Variants in DIAPH3 observed in about 807,000 individuals in gnomAD.
DIAPH3 encodes the protein diaphanous related formin 3, also known as protein diaphanous homolog 3.
DIAPH3 carries 117 observed loss-of-function variants against 144.3 expected under a neutral mutation model. The ratio of observed to expected loss-of-function variants is 0.81; its 90% CI spans 0.70 to 0.95. The LOEUF (loss-of-function observed/expected upper bound fraction) is 0.95. Ranked by LOEUF, DIAPH3 falls within the 40% of genes least tolerant of loss-of-function variation. DIAPH3 has a pLI of 0.00. For synonymous variants in DIAPH3, 519 were observed against 488.9 expected, an observed-to-expected ratio of 1.06 and a Z score of -0.81; for missense variants, 1,421 against 1,412.7, an observed-to-expected ratio of 1.01 and a Z score of -0.09.
At chr13:60,071,781 T>C (rs1191057112) in intron 4 of DIAPH3, among the ~76,000 whole-genome samples, 3 of 152,190 alleles carry the variant, frequency 2.0e-5, no homozygotes, top group Admixed American at 2.0e-4. Context: ...CAGAGAAATA[T>C]GTGTGATTCC....
intron 4 of DIAPH3, among the ~76,000 whole-genome samples, chr13:60,065,573 A>G (rs2056930346): frequency 2.0e-5 from 3 of 152,162 alleles, no homozygotes; most frequent in African/African-American, 7.2e-5. Context: ...AGATGAAACA[A>G]TTCCACTAAT....
chr13:60,003,131 G>C (rs148646558), intron 9 of DIAPH3, among the ~76,000 whole-genome samples: 161 of 152,202 alleles, frequency 1.1e-3, no homozygotes, highest in African/African-American at 3.7e-3. Flanking sequence ...GTCTGTCCCT[G>C]GTGTCACAAG....
intron 1 of DIAPH3, among the ~76,000 whole-genome samples, chr13:60,158,197 A>AT (rs1406603319): frequency 1.8e-4 from 28 of 152,274 alleles, no homozygotes; most frequent in Non-Finnish European, 3.2e-4. Context: ...GCTTTTTATA[A>AT]TTTTGTCATG....
intron 25 of DIAPH3, among the ~76,000 whole-genome samples, chr13:59,783,325 T>C (rs1266840532): frequency 2.0e-5 from 3 of 152,174 alleles, no homozygotes; most frequent in African/African-American, 7.2e-5. Flanking sequence ...GTATATATAT[T>C]GATATCATTT....
At chr13:60,143,606 TCTC>T (rs1321777233) in intron 1 of DIAPH3, among the ~76,000 whole-genome samples, 15 of 152,122 alleles carry the variant, frequency 9.9e-5, no homozygotes, top group Non-Finnish European at 1.0e-4. Flanking sequence ...CCAATAGTCT[TCTC>T]CTCCTCTAGG....
chr13:59,748,554 G>A (rs1189775141), intron 27 of DIAPH3, among the ~76,000 whole-genome samples: 1 of 152,154 alleles, frequency 6.6e-6, no homozygotes, highest in African/African-American at 2.4e-5. Context: ...AAAATAATTA[G>A]TCATTAAATT....
intron 2 of DIAPH3, among the ~76,000 whole-genome samples, chr13:60,131,526 A>G: frequency 6.6e-6 from 1 of 151,954 alleles, no homozygotes. Context: ...AAGCGAAATA[A>G]GTGAATCACG....
At chr13:60,148,010 A>C (rs974537238) in intron 1 of DIAPH3, among the ~76,000 whole-genome samples, 3 of 152,194 alleles carry the variant, frequency 2.0e-5, no homozygotes, top group Non-Finnish European at 4.4e-5. Context: ...CAGGGACAGT[A>C]GGAGAAGAGA....
At chr13:59,803,796 T>C (rs1306035927) in intron 25 of DIAPH3, among the ~76,000 whole-genome samples, 5 of 152,202 alleles carry the variant, frequency 3.3e-5, no homozygotes, top group African/African-American at 1.2e-4. Context: ...AAGAGATGCC[T>C]GCACATAAGT....
At chr13:60,105,108 A>AAAACAAAAC (rs772244378) in intron 3 of DIAPH3, among the ~76,000 whole-genome samples, 4 of 124,040 alleles carry the variant, frequency 3.2e-5, no homozygotes, top group African/African-American at 6.4e-5. Context: ...TCAAAAAAAA[A>AAAACAAAAC]AAAAAAAAAA....
chr13:59,898,052 T>C (rs1208260581), intron 20 of DIAPH3, among the ~76,000 whole-genome samples: 2 of 145,104 alleles, frequency 1.4e-5, no homozygotes, highest in Non-Finnish European at 3.0e-5. Context: ...GAGAATCATT[T>C]GAACCTGGGG....
At chr13:59,845,511 T>C (rs2042582711) in intron 22 of DIAPH3, among the ~76,000 whole-genome samples, 2 of 152,156 alleles carry the variant, frequency 1.3e-5, no homozygotes, top group Non-Finnish European at 2.9e-5. Flanking sequence ...ACATAACATC[T>C]GAGTTCCTAA....
chr13:59,767,503 C>T (rs1402834633), intron 27 of DIAPH3, among the ~76,000 whole-genome samples: 2 of 150,420 alleles, frequency 1.3e-5, no homozygotes, highest in Non-Finnish European at 3.0e-5. Context: ...TTTTTTAAGT[C>T]CAAACACAAA....
At chr13:59,813,858 CA>C (rs34778897) in intron 24 of DIAPH3, among the ~76,000 whole-genome samples, 6,027 of 91,172 alleles carry the variant, frequency 0.066, 157 homozygotes, top group African/African-American at 0.079. Context: ...GACTTTGTCT[CA>C]AAAAAAAAAA....
chr13:59,938,871 G>A (rs979648718), intron 17 of DIAPH3, among the ~76,000 whole-genome samples: 9 of 152,110 alleles, frequency 5.9e-5, no homozygotes, highest in African/African-American at 1.2e-4. Context: ...TTCTAAAGAC[G>A]GATGGTACTG....
At chr13:59,935,929 C>T (rs1036405938) in intron 17 of DIAPH3, among the ~76,000 whole-genome samples, 3 of 152,178 alleles carry the variant, frequency 2.0e-5, no homozygotes, top group African/African-American at 7.2e-5. Context: ...ATTATTTCAA[C>T]TGTAGCAATC....
intron 22 of DIAPH3, among the ~76,000 whole-genome samples, chr13:59,846,635 A>G (rs2042648573): frequency 6.6e-6 from 1 of 152,214 alleles, no homozygotes; most frequent in South Asian, 2.1e-4. Context: ...CTTGACTATT[A>G]AGTAGGTCTA....
intron 22 of DIAPH3, among the ~76,000 whole-genome samples, chr13:59,848,307 CTTTTTT>C (rs71089517): frequency 7.8e-6 from 1 of 128,096 alleles, no homozygotes; most frequent in Non-Finnish European, 1.6e-5. Context: ...AAAGTCAAAT[CTTTTTT>C]TTTTTTTTTT....
intron 3 of DIAPH3, among the ~76,000 whole-genome samples, chr13:60,104,341 C>A (rs2058350448): frequency 6.6e-6 from 1 of 152,156 alleles, no homozygotes; most frequent in African/African-American, 2.4e-5. Flanking sequence ...TTCCACTGTA[C>A]TATCCAGTAG....
Sources: gnomAD v4.1 joint callset for allele counts (sites outside exome capture counted in the v4.1 genomes callset) on GRCh38, gnomAD v4.1.1 for gene constraint, MANE v1.5 for transcripts, NCBI Gene and HGNC (gene_info 2026-07-23, HGNC 2026-07-21) for gene names.